The following BOLA3 variants were observed in gnomAD, a reference collection of about 807,000 sequenced individuals.
BOLA3 encodes bolA family member 3, also known as bolA-like protein 3.
A neutral mutation model predicts 14.5 loss-of-function variants in BOLA3; 8 were observed. The ratio of observed to expected loss-of-function variants is 0.55; its 90% confidence interval spans 0.32 to 0.99. BOLA3 has a LOEUF of 0.99. Ranked by LOEUF, BOLA3 falls within the 50% of genes least tolerant of loss-of-function variation. The probability of loss-of-function intolerance (pLI) is 0.04; values close to 1 mark genes in which losing one functional copy is unlikely to be tolerated. For missense variants in BOLA3, 115 were observed against 138.2 expected, an observed-to-expected ratio of 0.83 and a Z score of 0.84; for synonymous variants, 42 against 45.7, an observed-to-expected ratio of 0.92 and a Z score of 0.33.
At chr2:74,142,490 A>G in intron 2 of BOLA3, 130 bp from the exon 3 acceptor site, 1 of 755,132 alleles carries the variant, frequency 1.3e-6, no homozygotes, top group Non-Finnish European at 2.3e-6. Context: ...AGTTGCTAAG[A>G]CCATTAGGAA....
chr2:74,147,664 T>C, intron 1 of BOLA3, 157 bp downstream of exon 1: 1 of 727,542 alleles, frequency 1.4e-6, no homozygotes, highest in Non-Finnish European at 2.3e-6. Context: ...AATGAATGAA[T>C]GAAAGAATGA....
intron 3 of BOLA3, among the ~76,000 whole-genome samples, chr2:74,141,167 G>A (rs1210014579): frequency 6.6e-6 from 1 of 152,170 alleles, no homozygotes. Context: ...TTCCGGGAGG[G>A]CTCAGTGATG....
At chr2:74,144,432 C>T (rs976419366) in intron 2 of BOLA3, among the ~76,000 whole-genome samples, 15 of 152,264 alleles carry the variant, frequency 9.9e-5, no homozygotes, top group East Asian at 5.8e-4. Flanking sequence ...CATGGCAATG[C>T]TGAGTGGCAA....
At chr2:74,138,530 G>A (rs1244757088) in intron 3 of BOLA3, among the ~76,000 whole-genome samples, 1 of 152,238 alleles carries the variant, frequency 6.6e-6, no homozygotes, top group Non-Finnish European at 1.5e-5. Context: ...GAGGGCATCT[G>A]CCCCAGGACA....
chr2:74,147,547 A>G (rs1692569442), intron 1 of BOLA3: 1 of 534,904 alleles, frequency 1.9e-6, no homozygotes, highest in African/African-American at 2.0e-5. Flanking sequence ...CCGCAGTATT[A>G]TGACTGTTCA....
chr2:74,143,262 T>A (rs1692479937), intron 2 of BOLA3, among the ~76,000 whole-genome samples: 1 of 151,942 alleles, frequency 6.6e-6, no homozygotes, highest in African/African-American at 2.4e-5. Flanking sequence ...TTCACACCAT[T>A]CTCCTGCCTC....
At chr2:74,142,990 AC>A (rs1374085055) in intron 2 of BOLA3, among the ~76,000 whole-genome samples, 1 of 151,894 alleles carries the variant, frequency 6.6e-6, no homozygotes, top group Non-Finnish European at 1.5e-5. Context: ...TGGGCCATCC[AC>A]CCCCTGCCTG....
chr2:74,147,814 C>A lies in BOLA3; in HGVS notation c.54+7G>T. ...GGGAGAGCAGCCCCGACCCTGCCCA[C>A]GCTCACCCCGCGGATCCCGCGGAGG... On this transcript the variant is annotated splice_region_variant and intron_variant, in intron 1 of 3. Transcript: ENST00000327428. The A allele has an allele frequency of 6.5e-7, 1 of 1,529,086 alleles. No homozygotes were observed. The highest frequency in any genetic ancestry group is 8.7e-7 in the Non-Finnish European group (1 of 1,144,542). 94.7% of individuals were successfully genotyped at this position (1,529,086 alleles called of 1,614,324 possible). A position where few individuals can be genotyped will look rare whatever the true frequency, so the allele number is the denominator to read the frequency against.
At chr2:74,146,489 C>T (rs1386627681) in intron 1 of BOLA3, 2 of 152,286 alleles carry the variant, frequency 1.3e-5, no homozygotes, top group Admixed American at 1.3e-4. Context: ...GTGATAGAAC[C>T]CAGGCTCATG....
chr2:74,144,636 C>A (rs1234348894), intron 2 of BOLA3, among the ~76,000 whole-genome samples: 3 of 152,240 alleles, frequency 2.0e-5, no homozygotes, highest in Non-Finnish European at 4.4e-5. Context: ...CAGTGGCCAC[C>A]TGAGAAGGAC....
At chr2:74,143,603 C>A (rs192941509) in intron 2 of BOLA3, among the ~76,000 whole-genome samples, 2 of 152,262 alleles carry the variant, frequency 1.3e-5, no homozygotes, top group East Asian at 3.9e-4. Flanking sequence ...GGGCCTGGGG[C>A]AAGTTCAGGA....
intron 2 of BOLA3, among the ~76,000 whole-genome samples, chr2:74,144,026 GAC>G (rs1269525066): frequency 3.5e-5 from 4 of 115,426 alleles, no homozygotes; most frequent in Non-Finnish European, 5.2e-5. Context: ...TTTTTTTTGA[GAC>G]ACAGTCTCGC....
intron 2 of BOLA3, 121 bp downstream of exon 2, chr2:74,145,068 C>G: frequency 2.8e-6 from 2 of 718,208 alleles, no homozygotes; most frequent in South Asian, 2.9e-5. Flanking sequence ...TGTCCAGCAG[C>G]AACACATCTT....
intron 3 of BOLA3, among the ~76,000 whole-genome samples, chr2:74,138,593 G>A (rs1692378821): frequency 6.6e-6 from 1 of 152,240 alleles, no homozygotes; most frequent in Non-Finnish European, 1.5e-5. Context: ...GTAGGCACAT[G>A]TCAGGGAGAC....
rs149204413 is a variant in BOLA3 at position 74,136,461 on chromosome 2, G to T, written c.259-803C>A. ...CATAAAACATTTTGAGATTTTTTTT[G>T]AAATTTTTTTTAAAGCTCATCAGCT... On this transcript the variant is annotated intron_variant, in intron 3 of 3. Coordinates refer to ENST00000327428, the MANE Select transcript of BOLA3 (RefSeq NM_212552.3). Among the ~76,000 whole-genome samples, 1,262 of 152,048 alleles carry T rather than the reference G, an allele frequency of 8.3e-3. 17 individuals are homozygous for T. The highest frequency in any genetic ancestry group is 0.027 in the African/African-American group (1,125 of 41,486).
At chr2:74,137,531 T>C (rs1184555627) in intron 3 of BOLA3, among the ~76,000 whole-genome samples, 1 of 152,148 alleles carries the variant, frequency 6.6e-6, no homozygotes, top group Non-Finnish European at 1.5e-5. Flanking sequence ...TCCTAATATA[T>C]GTGGTCAGGT....
intron 2 of BOLA3, among the ~76,000 whole-genome samples, chr2:74,144,936 T>C (rs1692516803): frequency 6.6e-6 from 1 of 152,174 alleles, no homozygotes; most frequent in Non-Finnish European, 1.5e-5. Context: ...AGAGGGACCT[T>C]GTCTGAGCTG....
At chr2:74,141,693 C>T (rs577462562) in intron 3 of BOLA3, among the ~76,000 whole-genome samples, 9 of 152,206 alleles carry the variant, frequency 5.9e-5, no homozygotes, top group East Asian at 3.9e-4. Flanking sequence ...CCTTCCAGAA[C>T]GATGCCAAAC....
intron 3 of BOLA3, 22 bp downstream of exon 3, chr2:74,142,250 G>C: frequency 6.4e-7 from 1 of 1,571,438 alleles, no homozygotes; most frequent in Non-Finnish European, 8.8e-7. Flanking sequence ...CAGTGGCAAG[G>C]GGCACTGTTG....
Sources: allele counts gnomAD v4.1 joint callset (sites outside exome capture counted in the v4.1 genomes callset), GRCh38; gene constraint gnomAD v4.1.1; transcripts MANE v1.5; gene names NCBI Gene and HGNC (gene_info 2026-07-23, HGNC 2026-07-21).